CRLS1: variants seen among roughly 807,000 people sequenced by gnomAD.
CRLS1 encodes cardiolipin synthase (CMP-forming).
CRLS1 carries 24 observed loss-of-function variants against 37.0 expected under a neutral mutation model. That is an observed-to-expected ratio of 0.65 (90% confidence interval 0.47 to 0.91). The LOEUF (loss-of-function observed/expected upper bound fraction) is 0.91, where lower values mean the gene tolerates loss of function less well. Among genes scored for constraint, CRLS1 ranks in the 40% least tolerant of loss-of-function variants. CRLS1 has a pLI of 0.00. For synonymous variants in CRLS1, 135 were observed against 159.7 expected (o/e 0.85, Z 1.17); for missense variants, 373 against 395.8 (o/e 0.94, Z 0.49).
chr20:6,029,825 A>G (rs1302936777), intron 3 of CRLS1, among the ~76,000 whole-genome samples: 1 of 152,206 alleles, frequency 6.6e-6, no homozygotes, highest in Non-Finnish European at 1.5e-5. Context: ...ACTTGAGTGG[A>G]TAAGCATTTT....
chr20:6,013,144 T>TAG (rs1355094721), intron 2 of CRLS1, among the ~76,000 whole-genome samples: 7 of 151,868 alleles, frequency 4.6e-5, no homozygotes, highest in African/African-American at 1.7e-4. Flanking sequence ...TATGTGTATA[T>TAG]AGATAGATAG....
At chr20:6,031,406 A>T (rs1980159682) in intron 4 of CRLS1, 36 bp downstream of exon 4, 1 of 1,456,414 alleles carries the variant, frequency 6.9e-7, no homozygotes, top group Non-Finnish European at 9.4e-7. Context: ...TTTTAGCATT[A>T]TATATGATTT....
chr20:6,006,721 G>A, intron 1 of CRLS1, 169 bp downstream of exon 1: 2 of 985,178 alleles, frequency 2.0e-6, no homozygotes, highest in Non-Finnish European at 2.4e-6. Context: ...TGAATTTCAG[G>A]GTCACCAGCG....
chr20:6,022,355 T>G (rs891288461), intron 3 of CRLS1, among the ~76,000 whole-genome samples: 69 of 120,074 alleles, frequency 5.7e-4, no homozygotes, highest in Admixed American at 9.1e-4. Context: ...TTTTTTTTTT[T>G]CAAGACAGGG....
intron 6 of CRLS1, among the ~76,000 whole-genome samples, chr20:6,035,606 TA>T (rs1409229527): frequency 2.6e-5 from 4 of 151,984 alleles, no homozygotes; most frequent in African/African-American, 9.7e-5. Context: ...TTTTCAGAAA[TA>T]GCAATTAAAA....
At chr20:6,012,452 T>C (rs933171099) in intron 2 of CRLS1, among the ~76,000 whole-genome samples, 1 of 152,086 alleles carries the variant, frequency 6.6e-6, no homozygotes, top group Admixed American at 6.5e-5. Flanking sequence ...TTGAGATATA[T>C]TTTAAAGACA....
In CRLS1 at chr20:6,006,933, C is replaced by A. The variant is rs113592771; in HGVS notation, c.306+381C>A. The stretch of plus-strand genomic sequence containing the variant: ...CTTTGGGAATATTTAGAAAGGTATA[C>A]AGGCCCTTCTGTTTGCTTGTGCAAG... On this transcript the variant is annotated intron_variant, in intron 1 of 6. Transcript: ENST00000378863. 2.0e-5 allele frequency: 12 copies of A among 599,876 alleles called. No individual in the cohort carries two copies. The African/African-American group carries it at 2.0e-4, about 10-fold the overall frequency. 37.2% of individuals were successfully genotyped at this position (599,876 alleles called of 1,614,324 possible). A position where few individuals can be genotyped will look rare whatever the true frequency, so the allele number is the denominator to read the frequency against.
chr20:6,007,396 T>G (rs758661693), intron 1 of CRLS1: 1 of 1,613,700 alleles, frequency 6.2e-7, no homozygotes, highest in Admixed American at 1.7e-5. Context: ...CAGTAGTTGG[T>G]CGAGTATGCC....
chr20:6,033,193 G>A lies in CRLS1; in HGVS notation c.729+1113G>A, dbSNP rs111464946. Among the ~76,000 whole-genome samples the A allele has an allele frequency of 9.2e-3, 1,388 of 151,172 alleles. 21 individuals are homozygous for A. The highest frequency in any genetic ancestry group is 0.032 in the African/African-American group (1,324 of 41,170). ...TGCCCAGGCTGGAGTGCAATGACGCGATCTTGGCTCACTGCAACCTCCTCC... is the reference window on the plus strand; with the variant it reads ...TGCCCAGGCTGGAGTGCAATGACGCAATCTTGGCTCACTGCAACCTCCTCC... On this transcript the variant is annotated intron_variant, in intron 5 of 6. Coordinates refer to ENST00000378863, the MANE Select transcript of CRLS1 (RefSeq NM_019095.6).
At chr20:6,007,131 C>G (rs1403334617) in intron 1 of CRLS1, 17 of 834,712 alleles carry the variant, frequency 2.0e-5, no homozygotes, top group Non-Finnish European at 2.7e-5. Context: ...TGATATGCTA[C>G]CCAGACAGAA....
chr20:6,026,014 T>G (rs1568626616), intron 3 of CRLS1, among the ~76,000 whole-genome samples: 1 of 152,240 alleles, frequency 6.6e-6, no homozygotes, highest in Non-Finnish European at 1.5e-5. Context: ...ACTTAGTGGA[T>G]AAGGCCGCTG....
intron 3 of CRLS1, among the ~76,000 whole-genome samples, chr20:6,023,046 TTA>T (rs1979399949): frequency 6.6e-6 from 1 of 152,324 alleles, no homozygotes; most frequent in South Asian, 2.1e-4. Flanking sequence ...TAATCTTACT[TTA>T]TTGTATTCTG....
chr20:6,006,461 C>T lies in CRLS1; in HGVS notation c.215C>T (p.Ala72Val), dbSNP rs1248093282. The change falls in exon 1 of 7, where the codon GCG (alanine) becomes GTG (valine). Residue 72 changes from alanine to valine, a missense_variant. Physicochemically the swap from Ala to Val is moderately conservative, Grantham distance 64. Transcript: ENST00000378863. ...GGCCAGCGGAACCACTGTTCGGGCGCGGGGAAGGCGGCTCCCAGGCCAGCG... is the reference window on the plus strand; with the variant it reads ...GGCCAGCGGAACCACTGTTCGGGCGTGGGGAAGGCGGCTCCCAGGCCAGCG... The part of the protein sequence containing the change: ...GIGQRNHCSG[A>V]GKAAPRPAAG... The T allele has an allele frequency of 1.4e-5, 20 of 1,402,294 alleles. No homozygotes were observed. The East Asian group carries it at 3.1e-4, about 22-fold the overall frequency. The allele number at this position is 1,402,294 out of a possible 1,614,324, so 86.9% of individuals were successfully genotyped here.
chr20:6,026,600 T>G (rs1292744169), intron 3 of CRLS1, among the ~76,000 whole-genome samples: 1 of 152,208 alleles, frequency 6.6e-6, no homozygotes, highest in Non-Finnish European at 1.5e-5. Flanking sequence ...TCTTTTGTGA[T>G]GGAGACTTTA....
chr20:6,018,791 A>G (rs6139891), intron 3 of CRLS1, among the ~76,000 whole-genome samples: 72,730 of 152,018 alleles, frequency 0.48, 17,761 homozygotes, highest in East Asian at 0.58. Context: ...GTGTATTCCT[A>G]TGGTCATATC....
intron 1 of CRLS1, among the ~76,000 whole-genome samples, chr20:6,007,099 A>G (rs1199131794): frequency 6.6e-6 from 1 of 152,200 alleles, no homozygotes; most frequent in Non-Finnish European, 1.5e-5. Context: ...TAACGGAGGG[A>G]AGTATTTGTC....
chr20:6,026,854 C>T (rs191994508), intron 3 of CRLS1, among the ~76,000 whole-genome samples: 12 of 152,228 alleles, frequency 7.9e-5, no homozygotes, highest in Admixed American at 7.2e-4. Flanking sequence ...TTCGCTTGAT[C>T]CCTATTGCAC....
In CRLS1 at chr20:6,039,085, C is replaced by T. The variant is rs2123043340; in HGVS notation, c.*1927C>T. Reference sequence around the variant, plus strand: ...GAATAGACTTAACCTTGACAGTAAGCTTAAAGCATTAGTGTCATTTAATTA... The same window carrying T: ...GAATAGACTTAACCTTGACAGTAAGTTTAAAGCATTAGTGTCATTTAATTA... On this transcript the variant is annotated 3_prime_UTR_variant, in exon 7 of 7. Transcript: ENST00000378863. 1.3e-5 allele frequency: 2 copies of T among 152,290 alleles called. No homozygotes were observed. The highest frequency in any genetic ancestry group is 1.3e-4 in the Admixed American group (2 of 15,298). 9.4% of individuals were successfully genotyped at this position (152,290 alleles called of 1,614,324 possible).
intron 3 of CRLS1, among the ~76,000 whole-genome samples, chr20:6,024,654 C>T (rs1264907039): frequency 1.3e-5 from 2 of 152,160 alleles, no homozygotes; most frequent in Admixed American, 6.5e-5. Context: ...GAGGGCATTT[C>T]GAAAGCTGAG....
Sources: gnomAD v4.1 joint callset for allele counts (sites outside exome capture counted in the v4.1 genomes callset) on GRCh38, gnomAD v4.1.1 for gene constraint, MANE v1.5 for transcripts, NCBI Gene and HGNC (gene_info 2026-07-23, HGNC 2026-07-21) for gene names.